DAPK2: variants seen among roughly 807,000 people sequenced by gnomAD.
The protein encoded by DAPK2 is death associated protein kinase 2, also known as death-associated protein kinase 2.
A neutral mutation model predicts 44.1 loss-of-function variants in DAPK2; 35 were observed. The ratio of observed to expected loss-of-function variants is 0.79; its 90% confidence interval spans 0.61 to 1.05. The LOEUF (loss-of-function observed/expected upper bound fraction) is 1.05. DAPK2 is among the 50% of genes least tolerant of loss of function. The pLI, the probability that DAPK2 is intolerant of heterozygous loss-of-function variation, is 0.00. For missense variants in DAPK2, 453 were observed against 483.2 expected, an observed-to-expected ratio of 0.94 and a Z score of 0.59; for synonymous variants, 174 against 182.6, an observed-to-expected ratio of 0.95 and a Z score of 0.38.
intron 3 of DAPK2, among the ~76,000 whole-genome samples, chr15:63,957,625 C>T (rs375241807): frequency 7.3e-5 from 11 of 151,250 alleles, no homozygotes; most frequent in Non-Finnish European, 1.0e-4. Flanking sequence ...TCTGTCCTTG[C>T]GATAGTTTGC....
intron 1 of DAPK2, among the ~76,000 whole-genome samples, chr15:63,999,669 G>C (rs1392793437): frequency 6.6e-6 from 1 of 152,078 alleles, no homozygotes; most frequent in Non-Finnish European, 1.5e-5. Context: ...ATGCAAACAA[G>C]AGTCCCCTGC....
At chr15:64,043,015 A>C (rs1002245346), upstream of DAPK2, among the ~76,000 whole-genome samples, 1 of 152,240 alleles carries the variant, frequency 6.6e-6, no homozygotes, top group Non-Finnish European at 1.5e-5. Flanking sequence ...AGAGGGAGAG[A>C]ATAGATTCCA....
intron 3 of DAPK2, among the ~76,000 whole-genome samples, chr15:63,950,792 T>C (rs997962569): frequency 6.6e-6 from 1 of 152,160 alleles, no homozygotes; most frequent in African/African-American, 2.4e-5. Flanking sequence ...TAAATCTCCA[T>C]TGCCTATATG....
At chr15:64,044,255 G>T (rs1196645927), upstream of DAPK2, among the ~76,000 whole-genome samples, 10 of 152,128 alleles carry the variant, frequency 6.6e-5, no homozygotes, top group Admixed American at 6.5e-4. Flanking sequence ...TCTCCTGATG[G>T]AGTCCTTGGA....
chr15:63,935,159 C>T (rs1327713988), intron 4 of DAPK2, among the ~76,000 whole-genome samples: 3 of 148,746 alleles, frequency 2.0e-5, no homozygotes, highest in African/African-American at 7.4e-5. Flanking sequence ...GGCGAGATCT[C>T]AGTTCACGAC....
intron 3 of DAPK2, among the ~76,000 whole-genome samples, chr15:63,945,508 G>A (rs2077426052): frequency 6.6e-6 from 1 of 152,170 alleles, no homozygotes; most frequent in African/African-American, 2.4e-5. Flanking sequence ...GGAGCAGGAA[G>A]GAACGGCACT....
intron 1 of DAPK2, chr15:63,991,240 G>A: frequency 2.2e-6 from 1 of 456,318 alleles, no homozygotes; most frequent in South Asian, 1.5e-5. Flanking sequence ...AAGCCAGGTG[G>A]GCAGTGCGCT....
intron 2 of DAPK2, among the ~76,000 whole-genome samples, 178 bp downstream of exon 3, chr15:63,983,355 G>A (rs1032725001): frequency 1.3e-5 from 2 of 152,302 alleles, no homozygotes; most frequent in South Asian, 2.1e-4. Flanking sequence ...AGGAGGAAGC[G>A]GGTAAGGAGG....
At chr15:63,994,891 G>GT (rs1000798238) in intron 1 of DAPK2, among the ~76,000 whole-genome samples, 1 of 151,724 alleles carries the variant, frequency 6.6e-6, no homozygotes, top group Admixed American at 6.6e-5. Flanking sequence ...TGCCTGGCCT[G>GT]TTTTTTTCAT....
chr15:63,992,613 A>C (rs1014596231), intron 1 of DAPK2, among the ~76,000 whole-genome samples: 1 of 152,210 alleles, frequency 6.6e-6, no homozygotes, highest in Admixed American at 6.5e-5. Context: ...CATTCTGTGG[A>C]GGCCCCAAAT....
chr15:63,908,239 C>G lies in DAPK2; in HGVS notation c.*281G>C. On this transcript the variant is annotated 3_prime_UTR_variant, in exon 11 of 11. Coordinates refer to ENST00000261891, the Ensembl canonical transcript of DAPK2. The surrounding 1 kb of genome is among the most constrained non-coding windows in gnomAD (Gnocchi z 5.7). ...TGTCCTTTATATTGTTTTCCTAAGT[C>G]CACACTCCCACCCCAGACTCTGAGG... The G allele has an allele frequency of 3.4e-6, 1 of 298,206 alleles. No homozygotes were observed. The highest frequency in any genetic ancestry group is 6.1e-6 in the Non-Finnish European group (1 of 162,702). The allele number at this position is 298,206 out of a possible 1,614,324, so 18.5% of individuals were successfully genotyped here.
chr15:64,021,204 C>A (rs1269593896), intron 1 of DAPK2, among the ~76,000 whole-genome samples: 1 of 152,200 alleles, frequency 6.6e-6, no homozygotes, highest in East Asian at 1.9e-4. Context: ...CAGTCTCAGT[C>A]ACTTTCGGGA....
chr15:63,936,451 A>C (rs2077152305), intron 4 of DAPK2, among the ~76,000 whole-genome samples: 1 of 152,090 alleles, frequency 6.6e-6, no homozygotes, highest in Non-Finnish European at 1.5e-5. Context: ...TCTCTACTAA[A>C]AATACAAAAA....
chr15:63,985,938 C>A (rs745635699), intron 1 of DAPK2, among the ~76,000 whole-genome samples: 1 of 152,198 alleles, frequency 6.6e-6, no homozygotes, highest in Non-Finnish European at 1.5e-5. Context: ...TGAGTGGTGA[C>A]CGGGGCAGGC....
upstream of DAPK2, among the ~76,000 whole-genome samples, chr15:64,040,523 T>C (rs549771119): frequency 6.6e-6 from 1 of 152,238 alleles, no homozygotes; most frequent in African/African-American, 2.4e-5. Context: ...CAGATCTGTC[T>C]GAAGAAGTTC....
chr15:64,026,825 T>C (rs562882302), intron 1 of DAPK2, among the ~76,000 whole-genome samples: 1 of 152,346 alleles, frequency 6.6e-6, no homozygotes, highest in African/African-American at 2.4e-5. Context: ...GAGCTCTGCA[T>C]TTAGTCCCAA....
At position 63,939,381 on chromosome 15, in the gene DAPK2, A is replaced by G; in HGVS notation, c.454-20T>C. On this transcript the variant is annotated intron_variant, in intron 3 of 10. Coordinates refer to ENST00000261891, the Ensembl canonical transcript of DAPK2. The surrounding 1 kb of genome is among the most constrained non-coding windows in gnomAD (Gnocchi z 4.3). ...TTCTGGCTGGACAACAAAAAGTAGA[A>G]AAAAAAAAAAGGAAGGAAGAAAAGA... 1 of 1,508,986 alleles carries G rather than the reference A, an allele frequency of 6.6e-7. No individual in the cohort carries two copies. The highest frequency in any genetic ancestry group is 8.9e-7 in the Non-Finnish European group (1 of 1,124,492). 93.5% of individuals were successfully genotyped at this position (1,508,986 alleles called of 1,614,324 possible).
chr15:63,953,288 GT>G (rs2077640170), intron 3 of DAPK2, among the ~76,000 whole-genome samples: 1 of 152,108 alleles, frequency 6.6e-6, no homozygotes, highest in African/African-American at 2.4e-5. Context: ...CTCCATCCAA[GT>G]TCTGGCAACC....
chr15:64,040,762 T>C (rs942070298), upstream of DAPK2, among the ~76,000 whole-genome samples: 3 of 151,742 alleles, frequency 2.0e-5, no homozygotes, highest in Admixed American at 6.6e-5. Context: ...AATACAAAAA[T>C]TAGCCGGGTA....
Sources: allele counts gnomAD v4.1 joint callset (sites outside exome capture counted in the v4.1 genomes callset), GRCh38; gene constraint gnomAD v4.1.1; non-coding constraint Gnocchi (gnomAD v3.1); transcripts MANE v1.5; gene names NCBI Gene and HGNC (gene_info 2026-07-23, HGNC 2026-07-21).